PTPRD: variants seen among roughly 807,000 people sequenced by gnomAD.
PTPRD encodes the protein receptor-type tyrosine-protein phosphatase delta.
Under a neutral mutation model 214.5 loss-of-function variants are expected in PTPRD, and 34 were observed. The observed-to-expected ratio is 0.16, with a 90% CI of 0.12 to 0.21. The LOEUF is 0.21. Among genes scored for constraint, PTPRD ranks in the 10% least tolerant of loss-of-function variants. The pLI is 1.00. For missense variants in PTPRD, 2,545 were observed against 2,398.7 expected (o/e 1.06, Z -1.27); for synonymous variants, 1,128 against 845.7 (o/e 1.33, Z -5.79).
intron 8 of PTPRD, among the ~76,000 whole-genome samples, chr9:9,476,247 T>A (rs2146817530): frequency 6.6e-6 from 1 of 152,298 alleles, no homozygotes; most frequent in East Asian, 1.9e-4. Flanking sequence ...CCATATATAT[T>A]TTTTACTGGA....
At chr9:8,953,038 T>C (rs1419640039) in intron 11 of PTPRD, among the ~76,000 whole-genome samples, 1 of 151,970 alleles carries the variant, frequency 6.6e-6, no homozygotes. Context: ...AACAATTTTA[T>C]AATATAAAGC....
intron 4 of PTPRD, among the ~76,000 whole-genome samples, chr9:9,968,892 T>C (rs536624552): frequency 6.6e-6 from 1 of 152,182 alleles, no homozygotes; most frequent in South Asian, 2.1e-4. Context: ...ACTGAATAAG[T>C]TATTAAGAAT....
chr9:10,015,253 T>C (rs922372312), intron 4 of PTPRD, among the ~76,000 whole-genome samples: 2 of 152,032 alleles, frequency 1.3e-5, no homozygotes, highest in African/African-American at 4.8e-5. Flanking sequence ...ATGCCGCTAA[T>C]TGAATTTTTC....
At chr9:9,477,468 G>C (rs2095142341) in intron 8 of PTPRD, among the ~76,000 whole-genome samples, 1 of 152,090 alleles carries the variant, frequency 6.6e-6, no homozygotes, top group Admixed American at 6.6e-5. Flanking sequence ...CATAAGAGGA[G>C]GTGTAGTCAC....
intron 8 of PTPRD, among the ~76,000 whole-genome samples, chr9:9,559,199 C>T (rs912006334): frequency 2.0e-5 from 3 of 152,118 alleles, no homozygotes; most frequent in African/African-American, 7.2e-5. Flanking sequence ...ACACCCATCC[C>T]GCTATAGGGT....
chr9:10,506,636 T>C (rs1328978901), intron 2 of PTPRD, among the ~76,000 whole-genome samples: 1 of 152,056 alleles, frequency 6.6e-6, no homozygotes, highest in Non-Finnish European at 1.5e-5. Flanking sequence ...AAAAAAATTA[T>C]ATTATTGTTG....
intron 5 of PTPRD, among the ~76,000 whole-genome samples, chr9:9,862,864 T>C (rs2063093377): frequency 6.6e-6 from 1 of 152,208 alleles, no homozygotes; most frequent in Non-Finnish European, 1.5e-5. Flanking sequence ...TTTCAGGTTT[T>C]CTTGTGCCTT....
At chr9:10,194,269 C>T (rs2099386971) in intron 3 of PTPRD, among the ~76,000 whole-genome samples, 2 of 146,276 alleles carry the variant, frequency 1.4e-5, no homozygotes, top group Non-Finnish European at 3.0e-5. Context: ...ATACATTAAT[C>T]CACAGGAAGC....
chr9:9,758,045 G>T (rs1431937561), intron 6 of PTPRD, among the ~76,000 whole-genome samples: 1 of 151,234 alleles, frequency 6.6e-6, no homozygotes, highest in African/African-American at 2.4e-5. Context: ...GTGTTGCTGG[G>T]GAAAAGTCCC....
At chr9:8,362,845 T>C (rs1176863398) in intron 39 of PTPRD, among the ~76,000 whole-genome samples, 1 of 152,212 alleles carries the variant, frequency 6.6e-6, no homozygotes, top group Non-Finnish European at 1.5e-5. Context: ...ATCCAATATC[T>C]CTTATTTTTC....
rs185211257 is a variant in PTPRD, at chr9:9,588,101, T to C, written c.-286-13320A>G. On this transcript the variant is annotated intron_variant, in intron 7 of 45. Coordinates refer to ENST00000381196, the MANE Select transcript of PTPRD (RefSeq NM_002839.4). ...ATTCCAAACATGTAACAAACATTCA[T>C]CTGTACCCCTAAATATATAAACTAT... 2.0e-5 allele frequency among the ~76,000 whole-genome samples: 3 copies of C among 151,976 alleles called. No homozygotes were observed. The East Asian group carries it at 5.8e-4, about 30-fold the overall frequency.
At chr9:8,883,978 T>G (rs1016077544) in intron 11 of PTPRD, among the ~76,000 whole-genome samples, 4 of 152,204 alleles carry the variant, frequency 2.6e-5, no homozygotes, top group African/African-American at 7.2e-5. Flanking sequence ...TTGGGACGAA[T>G]GGGAGTGAAT....
intron 39 of PTPRD, among the ~76,000 whole-genome samples, chr9:8,344,832 A>T (rs1232774695): frequency 6.6e-6 from 1 of 151,980 alleles, no homozygotes; most frequent in Non-Finnish European, 1.5e-5. Context: ...AGTGACAGTT[A>T]ACTCTTATTA....
intron 44 of PTPRD, among the ~76,000 whole-genome samples, chr9:8,331,207 G>GAGT (rs1563989816): frequency 6.6e-6 from 1 of 151,826 alleles, no homozygotes; most frequent in African/African-American, 2.4e-5. Flanking sequence ...TATTCATGAG[G>GAGT]TTTTCACAAA....
intron 7 of PTPRD, among the ~76,000 whole-genome samples, chr9:9,643,367 G>C (rs1226043665): frequency 6.6e-6 from 1 of 152,082 alleles, no homozygotes; most frequent in East Asian, 1.9e-4. Context: ...ATTAAAAAAA[G>C]AACATAGGGC....
At chr9:10,040,460 T>C (rs2097275555) in intron 3 of PTPRD, among the ~76,000 whole-genome samples, 3 of 152,056 alleles carry the variant, frequency 2.0e-5, no homozygotes, top group Admixed American at 1.3e-4. Flanking sequence ...ATAACCTAAT[T>C]GCCACTACCC....
intron 9 of PTPRD, among the ~76,000 whole-genome samples, chr9:9,239,317 G>T (rs555844488): frequency 2.0e-4 from 30 of 151,992 alleles, no homozygotes; most frequent in African/African-American, 7.0e-4. Flanking sequence ...TAAATTTTTT[G>T]GTCATATAAA....
chr9:8,925,493 C>G (rs193167666), intron 11 of PTPRD, among the ~76,000 whole-genome samples: 1 of 150,826 alleles, frequency 6.6e-6, no homozygotes, highest in Admixed American at 6.7e-5. Context: ...TTCAATTCCC[C>G]GAAACAGAAA....
In PTPRD at chr9:8,735,298, C is replaced by A. The variant is rs536727714; in HGVS notation, c.-103-1352G>T. Reference sequence around the variant, plus strand: ...AGCTGAGATTACAGGTGCCCACCACCATGCCTGGGTAATTTTTGTACTTTT... The same window carrying A: ...AGCTGAGATTACAGGTGCCCACCACAATGCCTGGGTAATTTTTGTACTTTT... On this transcript the variant is annotated intron_variant, in intron 11 of 45. Transcript: ENST00000381196. Among the ~76,000 whole-genome samples, 43 of 151,928 alleles carry A rather than the reference C, an allele frequency of 2.8e-4. No homozygotes were observed. In the South Asian group the frequency reaches 9.0e-3, roughly 32 times the overall value.
Sources: gnomAD v4.1 joint callset for allele counts (sites outside exome capture counted in the v4.1 genomes callset) on GRCh38, gnomAD v4.1.1 for gene constraint, MANE v1.5 for transcripts, NCBI Gene and HGNC (gene_info 2026-07-23, HGNC 2026-07-21) for gene names.